FGF14: variants seen among roughly 807,000 people sequenced by gnomAD.
The protein encoded by FGF14 is fibroblast growth factor 14.
FGF14 carries 5 observed loss-of-function variants against 25.5 expected under a neutral mutation model. The ratio of observed to expected loss-of-function variants is 0.20; its 90% CI spans 0.10 to 0.41. The LOEUF is 0.41. Ranked by LOEUF, FGF14 falls within the 10% of genes least tolerant of loss-of-function variation. FGF14 has a pLI of 1.00. For synonymous variants in FGF14, 138 were observed against 118.3 expected, an observed-to-expected ratio of 1.17 and a Z score of -1.08; for missense variants, 222 against 320.1, an observed-to-expected ratio of 0.69 and a Z score of 2.34.
intron 1 of FGF14, among the ~76,000 whole-genome samples, chr13:102,081,160 G>A (rs1595202855): frequency 6.6e-6 from 1 of 152,320 alleles, no homozygotes; most frequent in East Asian, 1.9e-4. Context: ...GAATGAGGAA[G>A]GCTTCTCCTT....
intron 3 of FGF14, among the ~76,000 whole-genome samples, chr13:101,833,921 G>A (rs1286899015): frequency 6.6e-6 from 1 of 152,004 alleles, no homozygotes; most frequent in Non-Finnish European, 1.5e-5. Flanking sequence ...GTTATATCCT[G>A]ACACAAATAT....
At chr13:101,789,209 G>A (rs2140080757) in intron 3 of FGF14, among the ~76,000 whole-genome samples, 1 of 151,906 alleles carries the variant, frequency 6.6e-6, no homozygotes, top group East Asian at 1.9e-4. Context: ...GTCTGGAATG[G>A]AGCTCTCTTT....
intron 3 of FGF14, among the ~76,000 whole-genome samples, chr13:101,754,006 G>A (rs892249128): frequency 2.0e-5 from 3 of 152,222 alleles, no homozygotes; most frequent in Middle Eastern, 3.4e-3. Context: ...GTAAGAAAGC[G>A]GCCAAATCTG....
intron 1 of FGF14, among the ~76,000 whole-genome samples, chr13:102,368,305 T>C (rs1416676353): frequency 1.3e-5 from 2 of 152,210 alleles, no homozygotes; most frequent in Non-Finnish European, 2.9e-5. Flanking sequence ...ATATGTCAGT[T>C]TCTGTTCACC....
chr13:102,314,228 T>C (rs1000142641), intron 1 of FGF14, among the ~76,000 whole-genome samples: 2 of 152,220 alleles, frequency 1.3e-5, no homozygotes, highest in Non-Finnish European at 2.9e-5. Context: ...CTGATCATCT[T>C]ACAAATTGAA....
At chr13:102,326,714 GGAAGGAAGGAAGGAA>G (rs2056453584) in intron 1 of FGF14, among the ~76,000 whole-genome samples, 1 of 84,224 alleles carries the variant, frequency 1.2e-5, no homozygotes, top group African/African-American at 5.7e-5. Flanking sequence ...AAGGAAGGAA[GGAAGGAAGGAAGGAA>G]GGAAGGAAGG....
At chr13:102,175,934 T>A (rs2048429038) in intron 1 of FGF14, among the ~76,000 whole-genome samples, 1 of 152,064 alleles carries the variant, frequency 6.6e-6, no homozygotes, top group African/African-American at 2.4e-5. Context: ...TTGGCGAGGA[T>A]GTGGAGAAAA....
At chr13:101,806,479 T>A (rs943860279) in intron 3 of FGF14, among the ~76,000 whole-genome samples, 3 of 151,962 alleles carry the variant, frequency 2.0e-5, no homozygotes, top group South Asian at 2.1e-4. Context: ...AGAAAATTTT[T>A]TTTTTTGTTT....
At chr13:102,379,442 A>G (rs28581522) in intron 1 of FGF14, among the ~76,000 whole-genome samples, 1 of 151,742 alleles carries the variant, frequency 6.6e-6, no homozygotes, top group African/African-American at 2.4e-5. Context: ...ATTTATATAT[A>G]TGTGTATGTA....
intron 1 of FGF14, among the ~76,000 whole-genome samples, chr13:102,374,343 TGTGGGTA>T (rs2057971851): frequency 6.6e-6 from 1 of 151,728 alleles, no homozygotes; most frequent in Non-Finnish European, 1.5e-5. Context: ...CCCACAAAAA[TGTGGGTA>T]CTGAACATTT....
rs535215577 is a variant in FGF14, at chr13:101,832,150, G to T, written c.408+36575C>A. 3.3e-5 allele frequency among the ~76,000 whole-genome samples: 5 copies of T among 152,142 alleles called. No homozygotes were observed. The East Asian group carries it at 9.7e-4, about 30-fold the overall frequency. On this transcript the variant is annotated intron_variant, in intron 3 of 4. Coordinates refer to ENST00000376143, the MANE Select transcript of FGF14 (RefSeq NM_004115.4). The stretch of plus-strand genomic sequence containing the variant: ...GAGATCCGATATACGCAGAAGAGAA[G>T]GCACTGTGACCACAGAGGCAGAGAT...
In FGF14 at chr13:101,715,665, A is replaced by G; in HGVS notation, c.*7166T>C. The G allele has an allele frequency of 3.2e-6, 5 of 1,566,920 alleles. No homozygotes were observed. The highest frequency in any genetic ancestry group is 4.4e-6 in the Non-Finnish European group (5 of 1,137,110). ...TCAGAATATCCTTAACAATTACATG[A>G]GAGAGGTCTGGATTCTTATTTTTTC... On this transcript the variant is annotated 3_prime_UTR_variant, in exon 5 of 5. Coordinates refer to ENST00000376143, the MANE Select transcript of FGF14 (RefSeq NM_004115.4).
chr13:102,047,478 A>G (rs1260998208), intron 1 of FGF14, among the ~76,000 whole-genome samples: 2 of 152,204 alleles, frequency 1.3e-5, no homozygotes, highest in African/African-American at 4.8e-5. Context: ...GCACATATAC[A>G]CCATGGAATA....
intron 1 of FGF14, among the ~76,000 whole-genome samples, chr13:102,174,257 C>G (rs1269474220): frequency 6.6e-6 from 1 of 151,726 alleles, no homozygotes; most frequent in East Asian, 1.9e-4. Flanking sequence ...ACCTCAGTCT[C>G]CCGAGTAGCT....
At chr13:102,345,997 G>T (rs781481328) in intron 1 of FGF14, among the ~76,000 whole-genome samples, 3 of 152,150 alleles carry the variant, frequency 2.0e-5, no homozygotes, top group Admixed American at 6.5e-5. Flanking sequence ...GGAATATATA[G>T]TTCTCTACTA....
chr13:101,798,375 A>G (rs924015958), intron 3 of FGF14, among the ~76,000 whole-genome samples: 11 of 152,166 alleles, frequency 7.2e-5, no homozygotes, highest in Non-Finnish European at 1.3e-4. Context: ...CTGGGTCTTT[A>G]TCTCAGCCTC....
At chr13:101,944,288 T>C (rs910617231) in intron 1 of FGF14, among the ~76,000 whole-genome samples, 3 of 152,208 alleles carry the variant, frequency 2.0e-5, no homozygotes, top group African/African-American at 4.8e-5. Flanking sequence ...GATTATATCA[T>C]TGTAATGTTT....
chr13:102,236,802 AC>A (rs1322052916), intron 1 of FGF14, among the ~76,000 whole-genome samples: 1 of 152,170 alleles, frequency 6.6e-6, no homozygotes, highest in East Asian at 1.9e-4. Flanking sequence ...AGGATGCGGA[AC>A]CCTCATTTGC....
At chr13:101,861,849 C>T (rs771497950) in intron 3 of FGF14, among the ~76,000 whole-genome samples, 12 of 152,114 alleles carry the variant, frequency 7.9e-5, no homozygotes, top group South Asian at 2.1e-4. Context: ...CGGATAACTG[C>T]GGTAGATTTT....
Sources: allele counts gnomAD v4.1 joint callset (sites outside exome capture counted in the v4.1 genomes callset), GRCh38; gene constraint gnomAD v4.1.1; transcripts MANE v1.5; gene names NCBI Gene and HGNC (gene_info 2026-07-23, HGNC 2026-07-21).